Variants in GSTZ1 observed in about 807,000 individuals in gnomAD.
The protein encoded by GSTZ1 is glutathione S-transferase zeta 1.
Under a neutral mutation model 35.9 loss-of-function variants are expected in GSTZ1, and 34 were observed. The observed-to-expected ratio is 0.95, with a 90% CI of 0.72 to 1.26. GSTZ1 has a LOEUF of 1.26. GSTZ1 is among the 50% of genes most tolerant of loss of function. The pLI, the probability that GSTZ1 is intolerant of heterozygous loss-of-function variation, is 0.00. For missense variants in GSTZ1, 263 were observed against 271.7 expected (o/e 0.97, Z 0.23); for synonymous variants, 93 against 101.2 (o/e 0.92, Z 0.49).
In GSTZ1 at chr14:77,329,238, C is replaced by G. The variant is rs201393813; in HGVS notation, c.421+37C>G. 6.7e-6 allele frequency: 9 copies of G among 1,343,872 alleles called. No homozygotes were observed. The East Asian group carries it at 2.1e-4, about 31-fold the overall frequency. The allele number at this position is 1,343,872 out of a possible 1,614,324, so 83.2% of individuals were successfully genotyped here. On this transcript the variant is annotated intron_variant, in intron 6 of 8. Transcript: ENST00000216465. Reference sequence around the variant, plus strand: ...CCTCTGTGAGCTGCCCCACAGTGGCCTCTTAGAGGTATGGCCCTCGCACAC... The same window carrying G: ...CCTCTGTGAGCTGCCCCACAGTGGCGTCTTAGAGGTATGGCCCTCGCACAC...
chr14:77,324,532 A>T, intron 1 of GSTZ1: 1 of 1,401,398 alleles, frequency 7.1e-7, no homozygotes, highest in Non-Finnish European at 9.8e-7. Context: ...CCACCCCTTT[A>T]GGTTTCCTTT....
chr14:77,328,554 G>A (rs8177565), intron 5 of GSTZ1: 3,143 of 172,398 alleles, frequency 0.018, 53 homozygotes, highest in Middle Eastern at 0.07. Flanking sequence ...ACAAAGTGGG[G>A]ACTAAGTCAG....
intron 5 of GSTZ1, chr14:77,328,259 A>C: frequency 7.2e-6 from 4 of 559,132 alleles, no homozygotes; most frequent in Non-Finnish European, 1.3e-5. Flanking sequence ...CTAGTTTCCA[A>C]GGACGCATGT....
Position 77,321,338 on chromosome 14 carries a change from G to C in GSTZ1, c.15+155G>C, listed in dbSNP as rs77759067. ...GGCACGCTCTGCGCCTGCGTGCTGC[G>C]CGCTGCCCGCTGGGGCTCGAAGTTC... is the stretch of plus-strand genomic sequence containing the variant. On this transcript the variant is annotated intron_variant, in intron 1 of 8. Coordinates refer to ENST00000216465, the MANE Select transcript of GSTZ1 (RefSeq NM_145870.3). 8,281 of 1,534,632 alleles carry C rather than the reference G, an allele frequency of 5.4e-3. 424 individuals are homozygous for C. The African/African-American group carries it at 0.1, about 19-fold the overall frequency.
At chr14:77,322,733 G>A in intron 1 of GSTZ1, 1 of 985,112 alleles carries the variant, frequency 1.0e-6, no homozygotes, top group Non-Finnish European at 1.2e-6. Context: ...TCCACAAAAG[G>A]TACCTTCAGG....
At chr14:77,327,645 G>A in intron 4 of GSTZ1, 93 bp downstream of exon 4, 1 of 889,152 alleles carries the variant, frequency 1.1e-6, no homozygotes, top group Non-Finnish European at 1.8e-6. Flanking sequence ...CAGTCAAGGT[G>A]CCTAGCACAT....
chr14:77,327,795 G>T lies in GSTZ1; in HGVS notation c.217-117G>T, dbSNP rs920244351. The T allele has an allele frequency of 7.9e-6, 8 of 1,008,518 alleles. No individual in the cohort carries two copies. The Admixed American group carries it at 9.8e-5, about 12-fold the overall frequency. 62.5% of individuals were successfully genotyped at this position (1,008,518 alleles called of 1,614,324 possible). ...TAGGGCTTGAGCTGAGCAGAAGCAG[G>T]GGGGAAGAGGTGTAGTGATGGTGCT... On this transcript the variant is annotated intron_variant, in intron 4 of 8. Transcript: ENST00000216465.
chr14:77,324,547 G>A, intron 1 of GSTZ1: 3 of 1,504,878 alleles, frequency 2.0e-6, no homozygotes, highest in Non-Finnish European at 2.7e-6. Flanking sequence ...TCCTTTCCCT[G>A]CTCAGAAGCT....
intron 2 of GSTZ1, chr14:77,325,222 G>C: frequency 2.7e-6 from 1 of 372,690 alleles, no homozygotes. Context: ...AAATCCACAT[G>C]CCCCTGGTAA....
At chr14:77,321,520 A>G (rs1238398439) in intron 1 of GSTZ1, 4 of 1,337,852 alleles carry the variant, frequency 3.0e-6, no homozygotes, top group African/African-American at 1.5e-5. Context: ...AAGCCTCCCA[A>G]TTTCTCGCAG....
intron 1 of GSTZ1, among the ~76,000 whole-genome samples, chr14:77,321,854 G>C (rs1892017147): frequency 6.6e-6 from 1 of 150,876 alleles, no homozygotes; most frequent in Admixed American, 6.6e-5. Flanking sequence ...CTGCACTCCA[G>C]CCTGGGCGAA....
At chr14:77,329,071 T>C (rs2139579537) in intron 5 of GSTZ1, 52 bp from the exon 6 acceptor site, 1 of 1,296,214 alleles carries the variant, frequency 7.7e-7, no homozygotes, top group South Asian at 1.2e-5. Context: ...GGCGAAGGGG[T>C]AGCCCCCACC....
At chr14:77,327,850 C>G in intron 4 of GSTZ1, 62 bp from the exon 5 acceptor site, 2 of 1,560,852 alleles carry the variant, frequency 1.3e-6, no homozygotes, top group Non-Finnish European at 1.8e-6. Context: ...TTTGCTGGCC[C>G]TGTCCCCTCT....
chr14:77,331,495 G>A lies in GSTZ1; in HGVS notation c.*300G>A, dbSNP rs1045459714. ...CCTGGCGTGCTCACCGTAACACCAC[G>A]GGGAAGGCTGTGTGCCTTTTCTCAT... On this transcript the variant is annotated 3_prime_UTR_variant, in exon 9 of 9. Transcript: ENST00000216465. The A allele has an allele frequency of 1.9e-5, 6 of 317,146 alleles. No individual in the cohort carries two copies. The highest frequency in any genetic ancestry group is 9.0e-4 in the Middle Eastern group (1 of 1,112). 19.6% of individuals were successfully genotyped at this position (317,146 alleles called of 1,614,324 possible). A position where few individuals can be genotyped will look rare whatever the true frequency, so the allele number is the denominator to read the frequency against.
intron 6 of GSTZ1, 132 bp from the exon 7 acceptor site, chr14:77,329,623 T>A: frequency 1.4e-6 from 1 of 738,764 alleles, no homozygotes; most frequent in Non-Finnish European, 2.4e-6. Context: ...GGCTGCCACA[T>A]TCTCACCAGC....
chr14:77,327,651 C>T (rs1246733285), intron 4 of GSTZ1, 99 bp downstream of exon 4: 8 of 859,850 alleles, frequency 9.3e-6, no homozygotes, highest in Non-Finnish European at 1.2e-5. Context: ...AGGTGCCTAG[C>T]ACATAGGAGA....
intron 1 of GSTZ1, chr14:77,324,530 T>G: frequency 1.5e-5 from 20 of 1,374,988 alleles, no homozygotes; most frequent in Non-Finnish European, 1.9e-5. Flanking sequence ...ATCCACCCCT[T>G]TAGGTTTCCT....
At chr14:77,324,651 C>G in intron 1 of GSTZ1, 1 of 1,483,988 alleles carries the variant, frequency 6.7e-7, no homozygotes, top group Non-Finnish European at 9.1e-7. Flanking sequence ...GGCTAGCTGC[C>G]CCTTTGGGGG....
At chr14:77,328,766 C>T (rs1049029357) in intron 5 of GSTZ1, 1 of 289,620 alleles carries the variant, frequency 3.5e-6, no homozygotes, top group Admixed American at 4.4e-5. Context: ...ACTCCCTCTC[C>T]TCACAAGGGA....
Sources: allele counts gnomAD v4.1 joint callset (sites outside exome capture counted in the v4.1 genomes callset), GRCh38; gene constraint gnomAD v4.1.1; transcripts MANE v1.5; gene names NCBI Gene and HGNC (gene_info 2026-07-23, HGNC 2026-07-21).